VPS13A: variants seen among roughly 807,000 people sequenced by gnomAD.
VPS13A encodes vacuolar protein sorting 13 homolog A.
In VPS13A, 264 loss-of-function variants were observed where a neutral mutation model predicts 390.9. The observed-to-expected ratio is 0.68, with a 90% CI of 0.61 to 0.75. The LOEUF (loss-of-function observed/expected upper bound fraction) is 0.75. VPS13A is among the 30% of genes least tolerant of loss of function. The pLI is 0.00. For missense variants in VPS13A, 3,409 were observed against 3,733.9 expected (o/e 0.91, Z 2.27); for synonymous variants, 1,231 against 1,227.1 (o/e 1.00, Z -0.07).
intron 17 of VPS13A, among the ~76,000 whole-genome samples, chr9:77,232,609 C>T (rs372202332): frequency 7.2e-5 from 11 of 152,166 alleles, no homozygotes; most frequent in Non-Finnish European, 8.8e-5. Context: ...ACTCATAGTT[C>T]GGTATGGCTG....
At chr9:77,309,397 A>G (rs1441725254) in intron 35 of VPS13A, among the ~76,000 whole-genome samples, 2 of 152,202 alleles carry the variant, frequency 1.3e-5, no homozygotes, top group East Asian at 1.9e-4. Context: ...ATGGAAGGCA[A>G]TTCTTTAAAG....
chr9:77,371,333 A>G lies in VPS13A; in HGVS notation c.9077+184A>G, dbSNP rs141275696. On this transcript the variant is annotated intron_variant, in intron 67 of 71. Coordinates refer to ENST00000360280, the MANE Select transcript of VPS13A (RefSeq NM_033305.3). ...AAATTTATTGGCTCACGGTTCTGAAAGTTAAGAAGTCCAAGATTGAGAGGC... is the reference window on the plus strand; with the variant it reads ...AAATTTATTGGCTCACGGTTCTGAAGGTTAAGAAGTCCAAGATTGAGAGGC... Among the ~76,000 whole-genome samples the G allele has an allele frequency of 5.8e-3, 884 of 152,304 alleles. 8 individuals are homozygous for G. The highest frequency in any genetic ancestry group is 0.02 in the African/African-American group (833 of 41,564).
intron 5 of VPS13A, among the ~76,000 whole-genome samples, chr9:77,207,252 T>TATACACATAA: frequency 3.4e-5 from 3 of 87,274 alleles, no homozygotes; most frequent in African/African-American, 1.2e-4. Context: ...TATATATATA[T>TATACACATAA]AAAACGTGTT....
At chr9:77,188,921 G>T (rs998337759) in intron 1 of VPS13A, among the ~76,000 whole-genome samples, 1 of 151,800 alleles carries the variant, frequency 6.6e-6, no homozygotes, top group East Asian at 1.9e-4. Flanking sequence ...TCTTTTGAGA[G>T]GTGTCTGCTC....
At chr9:77,336,191 T>G (rs1370613428) in intron 46 of VPS13A, among the ~76,000 whole-genome samples, 1 of 152,092 alleles carries the variant, frequency 6.6e-6, no homozygotes, top group African/African-American at 2.4e-5. Context: ...CATCACTCCC[T>G]GGGGCCTGTT....
chr9:77,228,274 A>T lies in VPS13A; in HGVS notation c.1595+10A>T. 6.3e-7 allele frequency: 1 copy of T among 1,575,788 alleles called. No homozygotes were observed. The highest frequency in any genetic ancestry group is 8.6e-7 in the Non-Finnish European group (1 of 1,159,406). On this transcript the variant is annotated intron_variant, in intron 17 of 71. Coordinates refer to ENST00000360280, the MANE Select transcript of VPS13A (RefSeq NM_033305.3). The stretch of plus-strand genomic sequence containing the variant: ...GAGCACAAGCAATAAAGTAAGTATT[A>T]ATTTATCTTTTTTTATCATATATGA...
At chr9:77,371,954 A>G (rs1160056571) in intron 67 of VPS13A, among the ~76,000 whole-genome samples, 6 of 145,140 alleles carry the variant, frequency 4.1e-5, no homozygotes, top group Non-Finnish European at 9.1e-5. Context: ...TTCCAATTTC[A>G]TCCATGTCCC....
Position 77,221,172 on chromosome 9 carries a change from T to G in VPS13A, c.990-13T>G. 2 of 1,612,688 alleles carry G rather than the reference T, an allele frequency of 1.2e-6. No homozygotes were observed. Among genetic ancestry groups the G allele is most frequent in the East Asian group, 4.5e-5 (2 of 44,820 alleles). ...GATTTGAGGGTGTTAAATGTTTTTC[T>G]TTTTTTAACTAGGTGGGCTTATGCT... On this transcript the variant is annotated splice_polypyrimidine_tract_variant and intron_variant, in intron 12 of 71. Transcript: ENST00000360280.
intron 17 of VPS13A, among the ~76,000 whole-genome samples, chr9:77,230,616 TCTTAATTATGGTGG>T (rs1237627305): frequency 6.6e-6 from 1 of 152,144 alleles, no homozygotes; most frequent in Non-Finnish European, 1.5e-5. Flanking sequence ...TACCCTACTG[TCTTAATTATGGTGG>T]CTTTATAGTA....
At position 77,292,735 on chromosome 9, in the gene VPS13A, A is replaced by AT. The variant is rs1228137788; in HGVS notation, c.3340-598dup. Among the ~76,000 whole-genome samples the AT allele has an allele frequency of 2.6e-5, 4 of 152,078 alleles. No homozygotes were observed. In the East Asian group the frequency reaches 7.7e-4, roughly 29 times the overall value. ...CTTAGTGCTCTGTCCCTCTTCCAAA[A>AT]TTTTTTTTAACATTTTACATCTCCT... On this transcript the variant is annotated intron_variant, in intron 31 of 71. Transcript: ENST00000360280.
At position 77,316,402 on chromosome 9, in the gene VPS13A, C is replaced by G; in HGVS notation, c.4859C>G (p.Thr1620Ser). 1 of 1,610,932 alleles carries G rather than the reference C, an allele frequency of 6.2e-7. No homozygotes were observed. The highest frequency in any genetic ancestry group is 8.5e-7 in the Non-Finnish European group (1 of 1,177,366). The change falls in exon 39 of 72, where the codon ACT becomes AGT. Residue 1620 changes from threonine (T) to serine (S), a missense_variant. Thr to Ser is a moderately conservative substitution (Grantham distance 58, BLOSUM62 1). Transcript: ENST00000360280. ...CCAGTCAAGAGAAAAGGCAAAATCA[C>G]TACTGTGAGTTAACTATTTGATCAT... ...FLPVKRKGKITTVLQPCDLFY... is the reference protein window; with the variant it reads ...FLPVKRKGKISTVLQPCDLFY...
At chr9:77,351,467 G>A (rs199864029) in intron 53 of VPS13A, 21 bp downstream of exon 53, 23 of 1,610,988 alleles carry the variant, frequency 1.4e-5, no homozygotes, top group Non-Finnish European at 1.8e-5. Context: ...GGTTATTATG[G>A]TGTTCCCAGC....
In VPS13A at chr9:77,314,677, A is replaced by G; in HGVS notation, c.4412+13A>G. ...AAGCAACTCCTCGGTATGTATTGTA[A>G]TGATGTTCTAAGGTTTTACTTGAGA... On this transcript the variant is annotated intron_variant, in intron 37 of 71. Transcript: ENST00000360280. 6.2e-7 allele frequency: 1 copy of G among 1,608,278 alleles called. No individual in the cohort carries two copies. Among genetic ancestry groups the G allele is most frequent in the Non-Finnish European group, 8.5e-7 (1 of 1,175,426 alleles).
In VPS13A at chr9:77,371,077, T is replaced by C; in HGVS notation, c.9005T>C (p.Leu3002Ser). ...AGFFKGVGKG[L>S]VGAVARPTGG... ...TTCTTTAAAGGTGTTGGGAAAGGTT[T>C]AGTAGGAGCGGTAGCAAGGCCAACT... The change falls in exon 67 of 72, where the codon TTA (leucine) becomes TCA (serine). Residue 3002 changes from leucine to serine, a missense_variant. By Grantham distance (145) the Leu-to-Ser change is moderately radical. This residue lies in a region of VPS13A where 318 missense variants were observed against 333.7 expected (regional missense o/e 0.95). Transcript: ENST00000360280. 1 of 1,614,104 alleles carries C rather than the reference T, an allele frequency of 6.2e-7. No homozygotes were observed. The highest frequency in any genetic ancestry group is 8.5e-7 in the Non-Finnish European group (1 of 1,179,986).
intron 1 of VPS13A, among the ~76,000 whole-genome samples, chr9:77,181,051 CAAAAT>C (rs1489529596): frequency 6.6e-6 from 1 of 151,692 alleles, no homozygotes; most frequent in South Asian, 2.1e-4. Context: ...GACTCTGTCT[CAAAAT>C]AAAATAAAAT....
In VPS13A at chr9:77,340,529, G is replaced by A. The variant is rs1563939611; in HGVS notation, c.7005G>A (p.Trp2335Ter). ...TGGCTGAAGAAGGAAATGATAAATGGCTCTCTCTTGATTTGGAGCAGGTGG... is the reference window on the plus strand; with the variant it reads ...TGGCTGAAGAAGGAAATGATAAATGACTCTCTCTTGATTTGGAGCAGGTGG... Reference protein sequence around the residue: ...ISVAEEGNDKWLSLDLEQCIP... With the variant: ...ISVAEEGNDK The change falls in exon 50 of 72, where the codon TGG (tryptophan) becomes TGA (stop). Residue 2335 changes from tryptophan to a stop codon, truncating the protein, a stop_gained. Transcript: ENST00000360280. LOFTEE classifies it high-confidence loss of function. 1.4e-5 allele frequency: 23 copies of A among 1,612,592 alleles called. No homozygotes were observed. The highest frequency in any genetic ancestry group is 1.9e-5 in the Non-Finnish European group (23 of 1,179,636).
chr9:77,229,519 A>G (rs1374408970), intron 17 of VPS13A, among the ~76,000 whole-genome samples: 1 of 152,248 alleles, frequency 6.6e-6, no homozygotes, highest in Non-Finnish European at 1.5e-5. Flanking sequence ...ATATGAATGT[A>G]GTCATACAAT....
chr9:77,333,577 G>A (rs1830392032), intron 46 of VPS13A, among the ~76,000 whole-genome samples: 1 of 151,950 alleles, frequency 6.6e-6, no homozygotes, highest in African/African-American at 2.4e-5. Context: ...ACCATGCGCA[G>A]CTAATTTTGT....
At chr9:77,195,455 G>T (rs1179355871) in intron 1 of VPS13A, among the ~76,000 whole-genome samples, 4 of 152,282 alleles carry the variant, frequency 2.6e-5, no homozygotes, top group South Asian at 2.1e-4. Context: ...AACAGTCGGT[G>T]TCCCGGTGCA....
Sources: gnomAD v4.1 joint callset for allele counts (sites outside exome capture counted in the v4.1 genomes callset) on GRCh38, gnomAD v4.1.1 for gene constraint, gnomAD v4.1.1 regional missense constraint, MANE v1.5 for transcripts, NCBI Gene and HGNC (gene_info 2026-07-23, HGNC 2026-07-21) for gene names.